ERLIN1: variants seen among roughly 807,000 people sequenced by gnomAD.
The protein encoded by ERLIN1 is erlin-1.
A neutral mutation model predicts 46.9 loss-of-function variants in ERLIN1; 24 were observed. The ratio of observed to expected loss-of-function variants is 0.51; its 90% CI spans 0.37 to 0.72. The LOEUF (loss-of-function observed/expected upper bound fraction) is 0.72, where lower values mean the gene tolerates loss of function less well. Among genes scored for constraint, ERLIN1 ranks in the 30% least tolerant of loss-of-function variants. ERLIN1 has a pLI of 0.00. For synonymous variants in ERLIN1, 158 were observed against 143.2 expected (o/e 1.10, Z -0.74); for missense variants, 293 against 417.9 (o/e 0.70, Z 2.61).
At chr10:100,154,750 T>C (rs1842984968) in intron 10 of ERLIN1, 110 bp downstream of exon 10, 2 of 844,792 alleles carry the variant, frequency 2.4e-6, no homozygotes, top group African/African-American at 1.7e-5. Context: ...TCTTGGTCAC[T>C]ACACTTTCTT....
At chr10:100,176,841 G>A (rs538039814) in intron 4 of ERLIN1, among the ~76,000 whole-genome samples, 26 of 152,296 alleles carry the variant, frequency 1.7e-4, no homozygotes, top group Admixed American at 2.6e-4. Context: ...TTTCAAATCC[G>A]ACTGGGCGCG....
chr10:100,154,683 T>C (rs1379405926), intron 10 of ERLIN1, among the ~76,000 whole-genome samples, 177 bp downstream of exon 10: 1 of 152,254 alleles, frequency 6.6e-6, no homozygotes, highest in African/African-American at 2.4e-5. Context: ...ATTTGGCCTG[T>C]GTCCCTACCC....
At chr10:100,162,032 TAAAG>T (rs140280809) in intron 8 of ERLIN1, among the ~76,000 whole-genome samples, 23 of 152,018 alleles carry the variant, frequency 1.5e-4, no homozygotes, top group African/African-American at 5.5e-4. Context: ...GCACAAAACA[TAAAG>T]GAAAAGACTA....
intron 8 of ERLIN1, among the ~76,000 whole-genome samples, chr10:100,158,527 C>T (rs1254366978): frequency 2.7e-5 from 4 of 149,984 alleles, no homozygotes; most frequent in Admixed American, 2.6e-4. Context: ...ACTCCTTAGT[C>T]TTCACTGAAA....
intron 7 of ERLIN1, among the ~76,000 whole-genome samples, chr10:100,165,463 T>C (rs952004100): frequency 6.7e-6 from 1 of 150,030 alleles, no homozygotes; most frequent in Non-Finnish European, 1.5e-5. Flanking sequence ...CTCGACTCAC[T>C]GCAAGCTTCG....
intron 4 of ERLIN1, among the ~76,000 whole-genome samples, 197 bp from the exon 5 acceptor site, chr10:100,176,267 T>C (rs1280575755): frequency 6.6e-6 from 1 of 152,218 alleles, no homozygotes; most frequent in Non-Finnish European, 1.5e-5. Context: ...GCATTTGTAA[T>C]ACTAATGCCA....
chr10:100,169,621 T>TA (rs67272064), intron 6 of ERLIN1, among the ~76,000 whole-genome samples: 13,526 of 144,864 alleles, frequency 0.093, 853 homozygotes, highest in African/African-American at 0.18. Flanking sequence ...CCTCAATGAT[T>TA]AAAAAAAAAA....
At chr10:100,167,195 C>T (rs1299316541) in intron 7 of ERLIN1, among the ~76,000 whole-genome samples, 153 bp downstream of exon 7, 1 of 151,780 alleles carries the variant, frequency 6.6e-6, no homozygotes, top group Non-Finnish European at 1.5e-5. Context: ...AATTAAGACA[C>T]AAGAATAGGC....
chr10:100,154,831 A>T, intron 10 of ERLIN1, 29 bp downstream of exon 10: 1 of 1,588,908 alleles, frequency 6.3e-7, no homozygotes, highest in Non-Finnish European at 8.6e-7. Flanking sequence ...GAAATGCATC[A>T]TTAGGAAAGT....
At chr10:100,172,889 G>A (rs1314829184) in intron 6 of ERLIN1, among the ~76,000 whole-genome samples, 1 of 152,174 alleles carries the variant, frequency 6.6e-6, no homozygotes, top group African/African-American at 2.4e-5. Flanking sequence ...CTAGATCTCT[G>A]AGTAACACCC....
chr10:100,161,573 G>A (rs550049706), intron 8 of ERLIN1, among the ~76,000 whole-genome samples: 30 of 152,048 alleles, frequency 2.0e-4, no homozygotes, highest in Non-Finnish European at 3.7e-4. Flanking sequence ...AATTCATGTG[G>A]ATGAATAAAG....
intron 5 of ERLIN1, 106 bp from the exon 6 acceptor site, chr10:100,174,387 T>C (rs898916332): frequency 2.5e-6 from 2 of 810,634 alleles, no homozygotes; most frequent in Admixed American, 2.1e-5. Flanking sequence ...GTTTCCACAG[T>C]ACTATTCTTT....
intron 6 of ERLIN1, among the ~76,000 whole-genome samples, chr10:100,172,146 A>C (rs143269338): frequency 2.3e-3 from 348 of 152,356 alleles, no homozygotes; most frequent in African/African-American, 8.0e-3. Context: ...AAAAATTTGA[A>C]ACCATAGAGA....
intron 9 of ERLIN1, 49 bp from the exon 10 acceptor site, chr10:100,154,988 A>T (rs1842996780): frequency 6.8e-7 from 1 of 1,468,030 alleles, no homozygotes; most frequent in Non-Finnish European, 9.5e-7. Flanking sequence ...TCAGCTAGTT[A>T]AGAGTCCCTT....
At chr10:100,155,561 C>G (rs898150333) in intron 9 of ERLIN1, among the ~76,000 whole-genome samples, 1 of 151,736 alleles carries the variant, frequency 6.6e-6, no homozygotes, top group South Asian at 2.1e-4. Context: ...GTCGCCCAGG[C>G]TGGAGTGCAG....
chr10:100,157,195 A>T (rs1461842820), intron 8 of ERLIN1, among the ~76,000 whole-genome samples: 2 of 152,182 alleles, frequency 1.3e-5, no homozygotes, highest in African/African-American at 2.4e-5. Flanking sequence ...TATACTCAGG[A>T]TCTACTGTTA....
intron 8 of ERLIN1, among the ~76,000 whole-genome samples, chr10:100,160,373 T>C (rs928225857): frequency 6.6e-6 from 1 of 151,958 alleles, no homozygotes; most frequent in East Asian, 1.9e-4. Context: ...TGATATACAA[T>C]AGAACACAGA....
At chr10:100,165,968 C>T (rs567465052) in intron 7 of ERLIN1, among the ~76,000 whole-genome samples, 56 of 152,160 alleles carry the variant, frequency 3.7e-4, no homozygotes, top group Non-Finnish European at 6.5e-4. Context: ...TCAGGTGATC[C>T]GCCGGCCTCA....
intron 9 of ERLIN1, among the ~76,000 whole-genome samples, chr10:100,155,294 C>A (rs114804218): frequency 0.012 from 1,834 of 151,084 alleles, 49 homozygotes; most frequent in African/African-American, 0.042. Flanking sequence ...TGTCTCCAGC[C>A]CCCCCCCAAA....
Sources: allele counts gnomAD v4.1 joint callset (sites outside exome capture counted in the v4.1 genomes callset), GRCh38; gene constraint gnomAD v4.1.1; transcripts MANE v1.5; gene names NCBI Gene and HGNC (gene_info 2026-07-23, HGNC 2026-07-21).